CEP120: variants seen among roughly 807,000 people sequenced by gnomAD.
CEP120 encodes the protein centrosomal protein 120, also known as centrosomal protein of 120 kDa.
Under a neutral mutation model 126.5 loss-of-function variants are expected in CEP120, and 113 were observed. That is an observed-to-expected ratio of 0.89 (90% CI 0.77 to 1.04). The LOEUF is 1.04. CEP120 is among the 50% of genes least tolerant of loss of function. The probability of loss-of-function intolerance (pLI) is 0.00; values close to 1 mark genes in which losing one functional copy is unlikely to be tolerated. For synonymous variants in CEP120, 400 were observed against 394.3 expected (o/e 1.01, Z -0.17); for missense variants, 1,230 against 1,155.7 (o/e 1.06, Z -0.93).
At position 123,423,066 on chromosome 5, in the gene CEP120, A is replaced by T; in HGVS notation, c.-68T>A. 7.2e-7 allele frequency: 1 copy of T among 1,385,318 alleles called. No homozygotes were observed. The highest frequency in any genetic ancestry group is 2.3e-5 in the East Asian group (1 of 43,512). The allele number at this position is 1,385,318 out of a possible 1,614,324, so 85.8% of individuals were successfully genotyped here. The stretch of plus-strand genomic sequence containing the variant: ...GTGAGGTCCAGTTGAGTCGCGGGTA[A>T]TCCGGGACCCCCGGCGGGACCCCCA... On this transcript the variant is annotated 5_prime_UTR_variant, in exon 1 of 20. Coordinates refer to ENST00000306467, the MANE Select transcript of CEP120 (RefSeq NM_001375405.1).
intron 2 of CEP120, among the ~76,000 whole-genome samples, chr5:123,416,328 C>A (rs1320349777): frequency 6.6e-6 from 1 of 151,840 alleles, no homozygotes; most frequent in Non-Finnish European, 1.5e-5. Context: ...TTTGGGAGTT[C>A]GAGGAGGGCA....
At chr5:123,385,374 G>C (rs1334420053) in intron 10 of CEP120, among the ~76,000 whole-genome samples, 1 of 151,982 alleles carries the variant, frequency 6.6e-6, no homozygotes, top group Non-Finnish European at 1.5e-5. Context: ...TATTTTTACT[G>C]TATCTTTTCT....
rs2126983827 is a variant in CEP120, at chr5:123,357,028, G to C, written c.2581-6939C>G. On this transcript the variant is annotated intron_variant, in intron 18 of 19. Coordinates refer to ENST00000306467, the MANE Select transcript of CEP120 (RefSeq NM_001375405.1). ...TTTGTCAGTCTGAAGTCTTTCATTTGTAAATAATGCTTTTACTGGGTAACA... is the reference window on the plus strand; with the variant it reads ...TTTGTCAGTCTGAAGTCTTTCATTTCTAAATAATGCTTTTACTGGGTAACA... 1.3e-5 allele frequency among the ~76,000 whole-genome samples: 2 copies of C among 152,138 alleles called. 1 individual carries two copies. Among genetic ancestry groups the C allele is most frequent in the Non-Finnish European group, 2.9e-5 (2 of 67,974 alleles).
At chr5:123,363,074 C>T (rs1250768942) in intron 18 of CEP120, among the ~76,000 whole-genome samples, 2 of 151,498 alleles carry the variant, frequency 1.3e-5, no homozygotes, top group African/African-American at 2.4e-5. Flanking sequence ...GAAAACGGGC[C>T]CTCCTCTGTT....
chr5:123,364,929 C>T lies in CEP120; in HGVS notation c.2482-335G>A, dbSNP rs553956099. On this transcript the variant is annotated intron_variant, in intron 17 of 19. Transcript: ENST00000306467. ...CATTCATTTTTTACAAAAAGCAGTT[C>T]TAACTGTTAACATTCCAATTTAGCT... 2.6e-5 allele frequency among the ~76,000 whole-genome samples: 4 copies of T among 151,534 alleles called. No individual in the cohort carries two copies. The East Asian group carries it at 7.7e-4, about 29-fold the overall frequency.
Position 123,393,395 on chromosome 5 carries a change from T to C in CEP120, c.715A>G (p.Ile239Val). 1 of 1,614,126 alleles carries C rather than the reference T, an allele frequency of 6.2e-7. No homozygotes were observed. The highest frequency in any genetic ancestry group is 8.5e-7 in the Non-Finnish European group (1 of 1,179,994). ...DVTNEPFNDL[I>V]NPNFEPERAS... ...CTCTCTGGCTCAAAGTTTGGGTTGA[T>C]TAAATCATTGAAGGGTTCATTTGTA... is the stretch of plus-strand genomic sequence containing the variant. The change falls in exon 6 of 20, where the codon ATC (isoleucine) becomes GTC (valine). Residue 239 changes from isoleucine to valine, a missense_variant. Coordinates refer to ENST00000306467, the MANE Select transcript of CEP120 (RefSeq NM_001375405.1).
chr5:123,391,642 A>C (rs1429778649), intron 6 of CEP120, among the ~76,000 whole-genome samples: 3 of 152,144 alleles, frequency 2.0e-5, no homozygotes, highest in African/African-American at 4.8e-5. Flanking sequence ...TTAATATTTT[A>C]CTATAACAAA....
chr5:123,402,455 T>A (rs1320396839), intron 4 of CEP120: 1 of 839,358 alleles, frequency 1.2e-6, no homozygotes, highest in South Asian at 3.8e-5. Context: ...AGTCTTGCTC[T>A]GTCACCCAGG....
intron 8 of CEP120, among the ~76,000 whole-genome samples, chr5:123,389,183 CAATG>C (rs1772220740): frequency 6.6e-6 from 1 of 152,168 alleles, no homozygotes; most frequent in Non-Finnish European, 1.5e-5. Flanking sequence ...ACTATAACTG[CAATG>C]GATGGAAAAA....
chr5:123,422,885 G>C, intron 1 of CEP120, 65 bp downstream of exon 1: 1 of 1,437,876 alleles, frequency 7.0e-7, no homozygotes. Flanking sequence ...CAAGGCCTCG[G>C]TCCCACACTA....
intron 19 of CEP120, among the ~76,000 whole-genome samples, chr5:123,348,683 T>C (rs1768996374): frequency 6.6e-6 from 1 of 152,222 alleles, no homozygotes; most frequent in African/African-American, 2.4e-5. Context: ...AAATGTAATG[T>C]GTAGGCTCTG....
At position 123,346,184 on chromosome 5, in the gene CEP120, A is replaced by G. The variant is rs1768803194; in HGVS notation, c.*335T>C. 1.4e-5 allele frequency: 3 copies of G among 215,822 alleles called. No homozygotes were observed. The highest frequency in any genetic ancestry group is 2.4e-4 in the East Asian group (2 of 8,428). 13.4% of individuals were successfully genotyped at this position (215,822 alleles called of 1,614,324 possible). A position where few individuals can be genotyped will look rare whatever the true frequency, so the allele number is the denominator to read the frequency against. On this transcript the variant is annotated 3_prime_UTR_variant, in exon 20 of 20. Coordinates refer to ENST00000306467, the MANE Select transcript of CEP120 (RefSeq NM_001375405.1). ...ATACTCTTTTGGCTCAACATGAAAC[A>G]TTATAGAACTGGAAATTACCGCAGT...
intron 18 of CEP120, among the ~76,000 whole-genome samples, chr5:123,355,430 T>C (rs1580632707): frequency 1.3e-5 from 2 of 152,188 alleles, no homozygotes; most frequent in East Asian, 1.9e-4. Flanking sequence ...TATTTCTCCA[T>C]ATCCTCTCCA....
At chr5:123,362,413 A>G (rs906098970) in intron 18 of CEP120, among the ~76,000 whole-genome samples, 3 of 151,792 alleles carry the variant, frequency 2.0e-5, no homozygotes, top group Admixed American at 6.6e-5. Flanking sequence ...AAAGCTTTCA[A>G]TGCTGGGTCT....
intron 17 of CEP120, among the ~76,000 whole-genome samples, chr5:123,368,678 T>C (rs1713481929): frequency 6.6e-6 from 1 of 151,964 alleles, no homozygotes; most frequent in African/African-American, 2.4e-5. Flanking sequence ...TTCTGGGATA[T>C]CTTGAAGACT....
Position 123,402,501 on chromosome 5 carries a change from C to G in CEP120, c.464-3217G>C, listed in dbSNP as rs1028422961. Among the ~76,000 whole-genome samples the G allele has an allele frequency of 3.3e-5, 5 of 152,178 alleles. No individual in the cohort carries two copies. In the South Asian group the frequency reaches 6.2e-4, roughly 19 times the overall value. ...TCTCGGCTTACTGCAACCTCTGCCC[C>G]CCCGGATTCAAGCAATTCTGCTGCC... On this transcript the variant is annotated intron_variant, in intron 4 of 19. Coordinates refer to ENST00000306467, the MANE Select transcript of CEP120 (RefSeq NM_001375405.1).
At chr5:123,401,603 G>A in intron 4 of CEP120, 2 of 1,415,548 alleles carry the variant, frequency 1.4e-6, no homozygotes, top group Non-Finnish European at 1.0e-6. Flanking sequence ...GTTGTCCATG[G>A]ACAGCACCAC....
intron 4 of CEP120, among the ~76,000 whole-genome samples, chr5:123,406,185 A>T (rs1223449550): frequency 6.6e-6 from 1 of 152,092 alleles, no homozygotes. Flanking sequence ...GGGGAAAAAA[A>T]AAACCACAGA....
At chr5:123,377,307 A>T in intron 16 of CEP120, 67 bp downstream of exon 16, 1 of 1,457,192 alleles carries the variant, frequency 6.9e-7, no homozygotes, top group Admixed American at 2.2e-5. Context: ...TAGTTAGTGA[A>T]CTATTTCTCT....
Sources: gnomAD v4.1 joint callset for allele counts (sites outside exome capture counted in the v4.1 genomes callset) on GRCh38, gnomAD v4.1.1 for gene constraint, MANE v1.5 for transcripts, NCBI Gene and HGNC (gene_info 2026-07-23, HGNC 2026-07-21) for gene names.